GRIK1: variants seen among roughly 807,000 people sequenced by gnomAD.
GRIK1 encodes glutamate receptor ionotropic, kainate 1.
GRIK1 carries 69 observed loss-of-function variants against 105.7 expected under a neutral mutation model. That is an observed-to-expected ratio of 0.65 (90% CI 0.54 to 0.80). GRIK1 has a LOEUF of 0.80. GRIK1 is among the 30% of genes least tolerant of loss of function. The pLI is 0.00. For missense variants in GRIK1, 1,109 were observed against 1,167.3 expected, an observed-to-expected ratio of 0.95 and a Z score of 0.73; for synonymous variants, 438 against 431.3, an observed-to-expected ratio of 1.02 and a Z score of -0.19.
At position 29,845,647 on chromosome 21, in the gene GRIK1, TG is replaced by T. The variant is rs537384713; in HGVS notation, c.118+93735del. Reference sequence around the variant, plus strand: ...ATTTATTTGAGAAAATAAAGTTATTTGTCTAACGTAATTTTTGGTTTCCTCT... The same window carrying T: ...ATTTATTTGAGAAAATAAAGTTATTTTCTAACGTAATTTTTGGTTTCCTCT... On this transcript the variant is annotated intron_variant, in intron 1 of 17. Transcript: ENST00000327783. 1.7e-3 allele frequency among the ~76,000 whole-genome samples: 263 copies of T among 152,356 alleles called. 1 individual carries two copies. The highest frequency in any genetic ancestry group is 2.9e-3 in the Non-Finnish European group (200 of 68,026).
chr21:29,867,655 A>C (rs1050814351), intron 1 of GRIK1, among the ~76,000 whole-genome samples: 47 of 152,022 alleles, frequency 3.1e-4, no homozygotes, highest in African/African-American at 1.0e-3. Flanking sequence ...TTAGCCAGGC[A>C]TGGTGGCGCA....
At chr21:29,753,901 G>A (rs569417184) in intron 1 of GRIK1, among the ~76,000 whole-genome samples, 11 of 152,186 alleles carry the variant, frequency 7.2e-5, no homozygotes, top group East Asian at 1.9e-4. Flanking sequence ...TCATATGTAC[G>A]TTGAGCAAAA....
At chr21:29,841,070 T>A (rs1460950017) in intron 1 of GRIK1, among the ~76,000 whole-genome samples, 3 of 152,136 alleles carry the variant, frequency 2.0e-5, no homozygotes, top group Non-Finnish European at 4.4e-5. Flanking sequence ...ATTTTAAAAA[T>A]TTACTTATAC....
chr21:29,552,655 G>A (rs191298105), intron 16 of GRIK1, among the ~76,000 whole-genome samples: 26 of 152,116 alleles, frequency 1.7e-4, no homozygotes, highest in Middle Eastern at 3.4e-3. Context: ...ATAACATCTC[G>A]TAGAAAGATG....
intron 4 of GRIK1, among the ~76,000 whole-genome samples, chr21:29,663,120 A>G (rs1229862282): frequency 6.6e-6 from 1 of 152,220 alleles, no homozygotes; most frequent in Non-Finnish European, 1.5e-5. Flanking sequence ...GAGATAAAGC[A>G]TAGTTATAGT....
At chr21:29,705,256 G>A (rs188808178) in intron 1 of GRIK1, among the ~76,000 whole-genome samples, 9 of 152,316 alleles carry the variant, frequency 5.9e-5, no homozygotes, top group Non-Finnish European at 8.8e-5. Flanking sequence ...AGTATATACC[G>A]ATGTGTGTGC....
chr21:29,666,891 A>T (rs2146621305), intron 4 of GRIK1, among the ~76,000 whole-genome samples: 1 of 152,270 alleles, frequency 6.6e-6, no homozygotes, highest in Non-Finnish European at 1.5e-5. Flanking sequence ...AGCCTCAGAT[A>T]AGTTTTAAAT....
chr21:29,803,749 T>C (rs1569111170), intron 1 of GRIK1, among the ~76,000 whole-genome samples: 1 of 152,112 alleles, frequency 6.6e-6, no homozygotes, highest in Non-Finnish European at 1.5e-5. Flanking sequence ...AAATATGTTT[T>C]TTTTTCCCAG....
At chr21:29,557,867 G>T (rs1209997903) in intron 15 of GRIK1, among the ~76,000 whole-genome samples, 2 of 152,156 alleles carry the variant, frequency 1.3e-5, no homozygotes, top group African/African-American at 4.8e-5. Flanking sequence ...GTGTAAGAAT[G>T]ATTCTTATGT....
intron 1 of GRIK1, among the ~76,000 whole-genome samples, chr21:29,824,745 T>A (rs538380056): frequency 6.6e-6 from 1 of 152,076 alleles, no homozygotes; most frequent in Non-Finnish European, 1.5e-5. Flanking sequence ...GACTGCTAGG[T>A]CATGGTAAGG....
rs192918675 is a variant in GRIK1, at chr21:29,570,433, C to T, written c.2130+6531G>A. On this transcript the variant is annotated intron_variant, in intron 14 of 17. Transcript: ENST00000327783. The stretch of plus-strand genomic sequence containing the variant: ...AGGAGAATCATTTGAACCTGGGAGG[C>T]GGAGGTCACAGTGAGCCAAGATCGC... Among the ~76,000 whole-genome samples, 31 of 150,932 alleles carry T rather than the reference C, an allele frequency of 2.1e-4. 2 individuals are homozygous for T. The highest frequency in any genetic ancestry group is 1.0e-3 in the South Asian group (5 of 4,786).
chr21:29,861,586 T>A, intron 1 of GRIK1: 1 of 292,206 alleles, frequency 3.4e-6, no homozygotes, highest in Non-Finnish European at 6.3e-6. Context: ...GGATTATAGG[T>A]GTGAGCCAAC....
chr21:29,581,784 C>G (rs1422703682), intron 12 of GRIK1, among the ~76,000 whole-genome samples: 1 of 152,148 alleles, frequency 6.6e-6, no homozygotes, highest in Non-Finnish European at 1.5e-5. Flanking sequence ...GAATTGTACT[C>G]CTCAGCTCTA....
At chr21:29,590,373 C>G (rs1251639620) in intron 10 of GRIK1, among the ~76,000 whole-genome samples, 1 of 152,180 alleles carries the variant, frequency 6.6e-6, no homozygotes, top group East Asian at 1.9e-4. Context: ...TACTCCTGCC[C>G]AACTCCCTGG....
intron 14 of GRIK1, among the ~76,000 whole-genome samples, chr21:29,574,605 A>G (rs2090837855): frequency 6.6e-6 from 1 of 151,086 alleles, no homozygotes; most frequent in Admixed American, 6.6e-5. Context: ...CCGTAATGTC[A>G]TTTGTCTTTA....
At chr21:29,741,046 C>T (rs754634084) in intron 1 of GRIK1, among the ~76,000 whole-genome samples, 4 of 152,224 alleles carry the variant, frequency 2.6e-5, no homozygotes, top group Non-Finnish European at 5.9e-5. Flanking sequence ...GCGATGTGTA[C>T]TCAATCCTCA....
At chr21:29,666,800 A>G (rs1470737280) in intron 4 of GRIK1, among the ~76,000 whole-genome samples, 4 of 152,374 alleles carry the variant, frequency 2.6e-5, no homozygotes, top group African/African-American at 9.6e-5. Flanking sequence ...AATACGTTTC[A>G]GGTTGCAATA....
intron 1 of GRIK1, chr21:29,763,894 A>G (rs2145705318): frequency 6.6e-6 from 1 of 151,872 alleles, no homozygotes. Flanking sequence ...TCAGTGTGGA[A>G]GCTGCTGATT....
intron 1 of GRIK1, among the ~76,000 whole-genome samples, chr21:29,843,540 T>G (rs1015909106): frequency 2.6e-5 from 4 of 152,196 alleles, no homozygotes; most frequent in African/African-American, 4.8e-5. Context: ...AGATTTTTTT[T>G]TAAATGTAAA....
Sources: gnomAD v4.1 joint callset for allele counts (sites outside exome capture counted in the v4.1 genomes callset) on GRCh38, gnomAD v4.1.1 for gene constraint, MANE v1.5 for transcripts, NCBI Gene and HGNC (gene_info 2026-07-23, HGNC 2026-07-21) for gene names.